XPR1: variants seen among roughly 807,000 people sequenced by gnomAD.
XPR1 encodes solute carrier family 53 member 1.
XPR1 carries 28 observed loss-of-function variants against 87.5 expected under a neutral mutation model. The observed-to-expected ratio is 0.32, with a 90% CI of 0.24 to 0.44. The LOEUF (loss-of-function observed/expected upper bound fraction) is 0.44. Among genes scored for constraint, XPR1 ranks in the 20% least tolerant of loss-of-function variants. XPR1 has a pLI of 1.00. For missense variants in XPR1, 559 were observed against 862.3 expected (o/e 0.65, Z 4.41); for synonymous variants, 300 against 306.1 (o/e 0.98, Z 0.21).
chr1:180,698,269 T>C (rs1657234448), intron 2 of XPR1, among the ~76,000 whole-genome samples: 1 of 152,158 alleles, frequency 6.6e-6, no homozygotes, highest in Admixed American at 6.5e-5. Context: ...TGGTTTCCAT[T>C]TGCGGGAGAT....
intron 14 of XPR1, among the ~76,000 whole-genome samples, chr1:180,881,017 C>T (rs1652836834): frequency 6.6e-6 from 1 of 151,886 alleles, no homozygotes; most frequent in Non-Finnish European, 1.5e-5. Flanking sequence ...ACTAGAGACA[C>T]AGTAAAGAAC....
rs1651905051 is a variant in XPR1, at chr1:180,852,763, G to A, written c.1502-10945G>A. Among the ~76,000 whole-genome samples the A allele has an allele frequency of 3.9e-5, 6 of 152,138 alleles. No homozygotes were observed. In the South Asian group the frequency reaches 1.2e-3, roughly 32 times the overall value. ...TGAGGTCTCCAACTCCTGGACTGAAGCAATCCTCTCACTTCGGCCTCCCAA... is the reference window on the plus strand; with the variant it reads ...TGAGGTCTCCAACTCCTGGACTGAAACAATCCTCTCACTTCGGCCTCCCAA... On this transcript the variant is annotated intron_variant, in intron 11 of 14. Coordinates refer to ENST00000367590, the MANE Select transcript of XPR1 (RefSeq NM_004736.4).
chr1:180,827,177 A>AAAAAG (rs1491161217), intron 9 of XPR1, among the ~76,000 whole-genome samples: 1 of 136,754 alleles, frequency 7.3e-6, no homozygotes, highest in African/African-American at 2.7e-5. Flanking sequence ...AAAAAAAAAA[A>AAAAAG]GGGGGTCTCC....
chr1:180,752,616 T>G (rs1298031454), intron 2 of XPR1, among the ~76,000 whole-genome samples: 2 of 152,192 alleles, frequency 1.3e-5, no homozygotes, highest in African/African-American at 4.8e-5. Context: ...CCATACATCT[T>G]GTTTGGGGTG....
intron 2 of XPR1, among the ~76,000 whole-genome samples, chr1:180,743,775 G>A (rs1424341932): frequency 1.3e-5 from 2 of 152,118 alleles, no homozygotes; most frequent in African/African-American, 4.8e-5. Context: ...ATTCTGGGCT[G>A]ACAGTTCTTT....
intron 4 of XPR1, among the ~76,000 whole-genome samples, chr1:180,804,435 A>C (rs536959147): frequency 1.3e-5 from 2 of 152,362 alleles, no homozygotes; most frequent in East Asian, 3.8e-4. Context: ...GGGCTGCAAT[A>C]AAATCATATT....
rs537871077 is a variant in XPR1, at chr1:180,783,944, A to G, written c.122-3809A>G. Among the ~76,000 whole-genome samples the G allele has an allele frequency of 1.3e-4, 19 of 151,962 alleles. No individual in the cohort carries two copies. In the South Asian group the frequency reaches 2.7e-3, roughly 22 times the overall value. On this transcript the variant is annotated intron_variant, in intron 2 of 14. Coordinates refer to ENST00000367590, the MANE Select transcript of XPR1 (RefSeq NM_004736.4). ...ATGGCAGGCACTTGTAATTCCAGCTACTTGGGAACCTGAGACGGGAGAATC... is the reference window on the plus strand; with the variant it reads ...ATGGCAGGCACTTGTAATTCCAGCTGCTTGGGAACCTGAGACGGGAGAATC...
chr1:180,678,472 A>G (rs1010754146), intron 1 of XPR1, among the ~76,000 whole-genome samples: 3 of 152,242 alleles, frequency 2.0e-5, no homozygotes, highest in Non-Finnish European at 4.4e-5. Context: ...TACTGGACAC[A>G]AAGACCAAAT....
chr1:180,811,490 T>C lies in XPR1; in HGVS notation c.763+2T>C. On this transcript the variant is annotated splice_donor_variant, in intron 7 of 14. Transcript: ENST00000367590. LOFTEE classifies it high-confidence loss of function. ...TGAATATTACCCTTGTGCTTGCCGG[T>C]AAGTAGTTTAAATTTTGAATTAATT... is the stretch of plus-strand genomic sequence containing the variant. 2.5e-6 allele frequency: 4 copies of C among 1,608,380 alleles called. 1 individual carries two copies. Among genetic ancestry groups the C allele is most frequent in the Non-Finnish European group, 3.4e-6 (4 of 1,175,944 alleles).
intron 2 of XPR1, among the ~76,000 whole-genome samples, chr1:180,763,542 C>G (rs970606365): frequency 6.6e-6 from 1 of 151,994 alleles, no homozygotes; most frequent in Admixed American, 6.6e-5. Flanking sequence ...ATTTGTTGAC[C>G]AGTGGTGAAA....
rs1168947681 is a variant in XPR1, at chr1:180,872,958, C to CT, written c.1669-832dup. On this transcript the variant is annotated intron_variant, in intron 12 of 14. Transcript: ENST00000367590. Reference sequence around the variant, plus strand: ...ATGGAAAGAGAAGGTGGCCAGGGGACTTTTTTTTTTTTTAGAATAGCATTC... The same window carrying CT: ...ATGGAAAGAGAAGGTGGCCAGGGGACTTTTTTTTTTTTTTAGAATAGCATTC... 8.3e-4 allele frequency among the ~76,000 whole-genome samples: 116 copies of CT among 139,648 alleles called. 1 individual carries two copies. The highest frequency in any genetic ancestry group is 1.7e-3 in the East Asian group (8 of 4,808). The allele number at this position is 139,648 out of a possible 152,430, so 91.6% of individuals were successfully genotyped here. A position where few individuals can be genotyped will look rare whatever the true frequency, so the allele number is the denominator to read the frequency against.
At chr1:180,673,653 A>T (rs546223364) in intron 1 of XPR1, among the ~76,000 whole-genome samples, 2 of 152,302 alleles carry the variant, frequency 1.3e-5, no homozygotes, top group African/African-American at 4.8e-5. Context: ...TACGACCCCT[A>T]TTGTGAACTG....
intron 11 of XPR1, among the ~76,000 whole-genome samples, chr1:180,859,584 G>A (rs1558041822): frequency 6.6e-6 from 1 of 152,110 alleles, no homozygotes; most frequent in Non-Finnish European, 1.5e-5. Context: ...CTTGAGAGAT[G>A]GGAAAGATCA....
At chr1:180,721,745 A>G (rs578175159) in intron 2 of XPR1, among the ~76,000 whole-genome samples, 1 of 152,286 alleles carries the variant, frequency 6.6e-6, no homozygotes, top group South Asian at 2.1e-4. Context: ...AGCATATTCA[A>G]TGTGAAGTCA....
chr1:180,803,403 C>T lies in XPR1; in HGVS notation c.239C>T (p.Ala80Val). ...TTTCTTATAGAGAAGCTCGCAGAGG[C>T]TCAGCGCAGGTTTGCTACACTTCAG... is the stretch of plus-strand genomic sequence containing the variant. ...NTFYSEKLAE[A>V]QRRFATLQNE... The change falls in exon 4 of 15, where the codon GCT becomes GTT. Residue 80 changes from alanine to valine, a missense_variant. Transcript: ENST00000367590. The T allele has an allele frequency of 6.2e-7, 1 of 1,613,888 alleles. No individual in the cohort carries two copies. The highest frequency in any genetic ancestry group is 8.5e-7 in the Non-Finnish European group (1 of 1,179,952).
At chr1:180,757,325 A>C (rs1647786348) in intron 2 of XPR1, among the ~76,000 whole-genome samples, 1 of 152,202 alleles carries the variant, frequency 6.6e-6, no homozygotes, top group South Asian at 2.1e-4. Context: ...AAATACACAC[A>C]TAAATCCTTC....
chr1:180,668,123 C>CTTT (rs758456790), intron 1 of XPR1, among the ~76,000 whole-genome samples: 1,064 of 94,666 alleles, frequency 0.011, 69 homozygotes, highest in African/African-American at 0.048. Flanking sequence ...TTCCCTCTAT[C>CTTT]TTTTTTTTTT....
chr1:180,674,664 G>A (rs1261619817), intron 1 of XPR1, among the ~76,000 whole-genome samples: 3 of 152,006 alleles, frequency 2.0e-5, no homozygotes, highest in African/African-American at 4.8e-5. Flanking sequence ...TAGAAGCTGG[G>A]CCTTCAAATA....
chr1:180,826,771 C>A (rs931844579), intron 9 of XPR1, among the ~76,000 whole-genome samples: 1 of 152,008 alleles, frequency 6.6e-6, no homozygotes, highest in African/African-American at 2.4e-5. Context: ...CTTTTGTATG[C>A]CCCTTATGTT....
Sources: gnomAD v4.1 joint callset for allele counts (sites outside exome capture counted in the v4.1 genomes callset) on GRCh38, gnomAD v4.1.1 for gene constraint, MANE v1.5 for transcripts, NCBI Gene and HGNC (gene_info 2026-07-23, HGNC 2026-07-21) for gene names.